FAM3B: variants seen among roughly 807,000 people sequenced by gnomAD.
FAM3B encodes the protein FAM3 metabolism regulating signaling molecule B.
Under a neutral mutation model 28.4 loss-of-function variants are expected in FAM3B, and 29 were observed. The observed-to-expected ratio is 1.02, with a 90% CI of 0.76 to 1.39. The LOEUF is 1.39. Ranked by LOEUF, FAM3B falls within the 40% of genes most tolerant of loss-of-function variation. The pLI is 0.00. For missense variants in FAM3B, 266 were observed against 293.9 expected (o/e 0.91, Z 0.69); for synonymous variants, 91 against 103.0 (o/e 0.88, Z 0.71).
chr21:41,352,402 G>A (rs2089128627), intron 7 of FAM3B, among the ~76,000 whole-genome samples: 1 of 151,276 alleles, frequency 6.6e-6, no homozygotes, highest in Admixed American at 6.6e-5. Flanking sequence ...ATGGCATTTT[G>A]TACCTTCCCT....
At chr21:41,315,417 G>T (rs2225431), upstream of FAM3B, among the ~76,000 whole-genome samples, 152,304 of 152,304 alleles carry the variant, frequency 1, 76,152 homozygotes, top group Non-Finnish European at 1. Flanking sequence ...GGTAATTTTA[G>T]GTTGTGCATT....
At chr21:41,313,906 T>C (rs527821751), upstream of FAM3B, among the ~76,000 whole-genome samples, 247 of 152,336 alleles carry the variant, frequency 1.6e-3, 1 homozygote, top group African/African-American at 5.5e-3. Flanking sequence ...TATGGTTTGC[T>C]GCTATAATCA....
At position 41,326,677 on chromosome 21, in the gene FAM3B, A is replaced by T. The variant is rs917666773; in HGVS notation, c.163+3611A>T. Among the ~76,000 whole-genome samples the T allele has an allele frequency of 6.6e-6, 1 of 152,290 alleles. No individual in the cohort carries two copies. Among genetic ancestry groups the T allele is most frequent in the East Asian group, 1.9e-4 (1 of 5,170 alleles). ...GGAAGTCCCTGGGGAGAGCATCCCT[A>T]TGGGACCCCCACAATGGCCCCGCTG... On this transcript the variant is annotated intron_variant, in intron 2 of 7. Transcript: ENST00000357985. The surrounding 1 kb of genome is among the most constrained non-coding windows in gnomAD (Gnocchi z 4.0).
intron 3 of FAM3B, among the ~76,000 whole-genome samples, chr21:41,340,152 CTTTTTTTTTT>C (rs954999865): frequency 7.9e-6 from 1 of 127,162 alleles, no homozygotes; most frequent in African/African-American, 2.9e-5. Context: ...CTGAAGTTGT[CTTTTTTTTTT>C]TTTTTTTTTT....
intron 1 of FAM3B, among the ~76,000 whole-genome samples, chr21:41,311,247 AAAAAATATATATATATATATATATAT>A (rs1322452937): frequency 1.4e-4 from 9 of 63,458 alleles, no homozygotes; most frequent in African/African-American, 5.6e-4. Flanking sequence ...AAAAAAAAAA[AAAAAATATATATATATATATATATAT>A]ATATATATAT....
chr21:41,345,182 A>T (rs1286167405), intron 4 of FAM3B, among the ~76,000 whole-genome samples: 1 of 151,946 alleles, frequency 6.6e-6, no homozygotes. Context: ...TTTCTGTGGG[A>T]TGAGGCGGGT....
chr21:41,323,372 C>CCAGG (rs1429705446), intron 2 of FAM3B, among the ~76,000 whole-genome samples: 1 of 152,162 alleles, frequency 6.6e-6, no homozygotes, highest in African/African-American at 2.4e-5. Flanking sequence ...ACAGGAGGGT[C>CCAGG]CAGGTTCTGA....
chr21:41,345,791 T>C lies in FAM3B; in HGVS notation c.397+55T>C, dbSNP rs763521385. 3.6e-6 allele frequency: 4 copies of C among 1,126,512 alleles called. No individual in the cohort carries two copies. The East Asian group carries it at 9.7e-5, about 27-fold the overall frequency. The allele number at this position is 1,126,512 out of a possible 1,614,324, so 69.8% of individuals were successfully genotyped here. A position where few individuals can be genotyped will look rare whatever the true frequency, so the allele number is the denominator to read the frequency against. On this transcript the variant is annotated intron_variant, in intron 5 of 7. Coordinates refer to ENST00000357985, the MANE Select transcript of FAM3B (RefSeq NM_058186.4). ...ATGAATTTTAAACAGAAAATTAAGA[T>C]TAAAAAGCACAAAGAAAAATGTCAA...
intron 4 of FAM3B, among the ~76,000 whole-genome samples, chr21:41,345,361 G>A (rs1307653176): frequency 6.6e-6 from 1 of 151,838 alleles, no homozygotes; most frequent in African/African-American, 2.4e-5. Context: ...TGGTGTTTCT[G>A]TGGGATGAGG....
intron 4 of FAM3B, among the ~76,000 whole-genome samples, chr21:41,345,167 T>A (rs546932120): frequency 1.7e-4 from 26 of 151,970 alleles, no homozygotes; most frequent in Non-Finnish European, 3.1e-4. Flanking sequence ...GAGGGGGCTC[T>A]GGTGTTTCTG....
At chr21:41,341,218 C>T (rs962894734) in intron 3 of FAM3B, among the ~76,000 whole-genome samples, 5 of 152,220 alleles carry the variant, frequency 3.3e-5, no homozygotes, top group African/African-American at 9.6e-5. Flanking sequence ...TTCCATAGCA[C>T]GGATGTGTCA....
At chr21:41,352,747 T>C (rs1187286842) in intron 7 of FAM3B, among the ~76,000 whole-genome samples, 1 of 151,900 alleles carries the variant, frequency 6.6e-6, no homozygotes, top group Non-Finnish European at 1.5e-5. Context: ...TGAGCCAAGA[T>C]AATGCCACTG....
intron 3 of FAM3B, among the ~76,000 whole-genome samples, chr21:41,341,844 TC>T (rs2089009691): frequency 6.6e-6 from 1 of 152,212 alleles, no homozygotes; most frequent in Non-Finnish European, 1.5e-5. Flanking sequence ...AGAAGGATTC[TC>T]ACAACTAGCC....
At position 41,322,764 on chromosome 21, in the gene FAM3B, C is replaced by T. The variant is rs556888329; in HGVS notation, c.20-159C>T. ...CTGTCTACTTCAAAGGTCCTGACAC[C>T]GCCTCCCACCCTGGGAGCCTCCTCC... On this transcript the variant is annotated intron_variant, in intron 1 of 7. Transcript: ENST00000357985. The T allele has an allele frequency of 3.0e-4, 288 of 967,742 alleles. 3 individuals carry two copies. The South Asian group carries it at 3.3e-3, about 11-fold the overall frequency. The allele number at this position is 967,742 out of a possible 1,614,324, so 59.9% of individuals were successfully genotyped here.
At chr21:41,341,949 C>T (rs536221552) in intron 3 of FAM3B, among the ~76,000 whole-genome samples, 8 of 152,314 alleles carry the variant, frequency 5.3e-5, no homozygotes, top group African/African-American at 1.7e-4. Flanking sequence ...ACAGAGCAAA[C>T]CCTCCTGCAT....
chr21:41,336,714 T>C (rs975507844), intron 2 of FAM3B, among the ~76,000 whole-genome samples: 19 of 152,248 alleles, frequency 1.2e-4, no homozygotes, highest in African/African-American at 4.6e-4. Context: ...AGTTTATCTC[T>C]GCCTTCAGAT....
At position 41,333,775 on chromosome 21, in the gene FAM3B, T is replaced by C. The variant is rs576177571; in HGVS notation, c.164-4603T>C. Reference sequence around the variant, plus strand: ...TGGGTAACAGGCAGAGGTTGGAGAGTTTGGAGGCTCAGAAGACAAGAAGAT... The same window carrying C: ...TGGGTAACAGGCAGAGGTTGGAGAGCTTGGAGGCTCAGAAGACAAGAAGAT... On this transcript the variant is annotated intron_variant, in intron 2 of 7. Coordinates refer to ENST00000357985, the MANE Select transcript of FAM3B (RefSeq NM_058186.4). Among the ~76,000 whole-genome samples the C allele has an allele frequency of 4.7e-4, 71 of 151,150 alleles. 1 individual carries two copies. The highest frequency in any genetic ancestry group is 8.9e-4 in the Non-Finnish European group (60 of 67,726).
At chr21:41,345,398 G>A (rs2089047782) in intron 4 of FAM3B, among the ~76,000 whole-genome samples, 1 of 152,016 alleles carries the variant, frequency 6.6e-6, no homozygotes, top group African/African-American at 2.4e-5. Flanking sequence ...AGGGGTCTCT[G>A]GTGTTTCTGT....
intron 2 of FAM3B, among the ~76,000 whole-genome samples, chr21:41,330,452 C>G (rs950400761): frequency 1.3e-4 from 20 of 152,184 alleles, no homozygotes; most frequent in Admixed American, 1.2e-3. Flanking sequence ...GGAATGTACC[C>G]CTTGTGAATA....
Sources: gnomAD v4.1 joint callset for allele counts (sites outside exome capture counted in the v4.1 genomes callset) on GRCh38, gnomAD v4.1.1 for gene constraint, Gnocchi (gnomAD v3.1) non-coding constraint, MANE v1.5 for transcripts, NCBI Gene and HGNC (gene_info 2026-07-23, HGNC 2026-07-21) for gene names.